The following KLHL20 variants were observed in gnomAD, a reference collection of about 807,000 sequenced individuals.
KLHL20 encodes the protein kelch-like protein 20.
A neutral mutation model predicts 69.5 loss-of-function variants in KLHL20; 29 were observed. The observed-to-expected ratio is 0.42, with a 90% CI of 0.31 to 0.57. The LOEUF (loss-of-function observed/expected upper bound fraction) is 0.57. Among genes scored for constraint, KLHL20 ranks in the 20% least tolerant of loss-of-function variants. The pLI is 0.18. For missense variants in KLHL20, 419 were observed against 776.0 expected (o/e 0.54, Z 5.47); for synonymous variants, 253 against 265.2 (o/e 0.95, Z 0.45).
intron 2 of KLHL20, among the ~76,000 whole-genome samples, chr1:173,722,701 T>TTC (rs1671767523): frequency 6.6e-6 from 1 of 150,864 alleles, no homozygotes; most frequent in Non-Finnish European, 1.5e-5. Flanking sequence ...TTTTTTTTTT[T>TTC]TTGACATAGA....
chr1:173,774,355 G>C lies in KLHL20; in HGVS notation c.1346G>C (p.Arg449Thr), dbSNP rs573488088. The C allele has an allele frequency of 5.0e-6, 8 of 1,614,054 alleles. No individual in the cohort carries two copies. The highest frequency in any genetic ancestry group is 6.8e-6 in the Non-Finnish European group (8 of 1,180,036). The stretch of plus-strand genomic sequence containing the variant: ...ACTCGGGTAGCTTCTATGAGTACCA[G>C]AAGACTAGGTGTGGCTGTGGCTGTG... Reference protein sequence around the residue: ...KWTRVASMSTRRLGVAVAVLG... With the variant: ...KWTRVASMSTTRLGVAVAVLG... The change falls in exon 9 of 12, where the codon AGA becomes ACA. Residue 449 changes from arginine (R) to threonine (T), a missense_variant. Arg to Thr is a moderately conservative substitution (Grantham distance 71, BLOSUM62 -1). Around this residue, in one of 6 missense-constraint regions of KLHL20, gnomAD observed 56 missense variants for 75.9 expected, o/e 0.74. Transcript: ENST00000209884.
At chr1:173,785,045 T>C (rs1649118699) in intron 11 of KLHL20, 118 bp from the exon 12 acceptor site, 2 of 740,118 alleles carry the variant, frequency 2.7e-6, no homozygotes, top group Non-Finnish European at 2.2e-6. Context: ...AAGCTGAAAA[T>C]ATTAGTTGTA....
intron 2 of KLHL20, among the ~76,000 whole-genome samples, chr1:173,728,393 C>T (rs1413105597): frequency 6.6e-6 from 1 of 152,118 alleles, no homozygotes; most frequent in Non-Finnish European, 1.5e-5. Flanking sequence ...CCAAGTGGAC[C>T]TAATAGACAT....
chr1:173,742,599 A>T (rs1294664122), intron 3 of KLHL20, among the ~76,000 whole-genome samples: 1 of 151,788 alleles, frequency 6.6e-6, no homozygotes, highest in East Asian at 1.9e-4. Context: ...TAAGAAGGAT[A>T]TATACGTATA....
chr1:173,762,784 A>C (rs1195851474), intron 7 of KLHL20, among the ~76,000 whole-genome samples: 1 of 152,224 alleles, frequency 6.6e-6, no homozygotes, highest in African/African-American at 2.4e-5. Flanking sequence ...AATGGGGAAA[A>C]GTTGAAAGCA....
chr1:173,781,576 A>C (rs899439247), intron 10 of KLHL20, among the ~76,000 whole-genome samples: 1 of 152,084 alleles, frequency 6.6e-6, no homozygotes, highest in African/African-American at 2.4e-5. Flanking sequence ...TCAGCCTCCC[A>C]AAGTGAGAAA....
intron 10 of KLHL20, among the ~76,000 whole-genome samples, chr1:173,778,218 C>T (rs1418836696): frequency 6.6e-6 from 1 of 152,138 alleles, no homozygotes; most frequent in Admixed American, 6.5e-5. Flanking sequence ...CTATCACTCC[C>T]TCAGCCCCCC....
chr1:173,749,302 CT>C (rs1248114637), intron 3 of KLHL20, among the ~76,000 whole-genome samples: 1 of 152,142 alleles, frequency 6.6e-6, no homozygotes, highest in African/African-American at 2.4e-5. Flanking sequence ...GATGACTTTG[CT>C]TAGTCATTCG....
rs1648313424 is a variant in KLHL20, at chr1:173,774,402, G to A, written c.1393G>A (p.Val465Ile). Residue 465 changes from valine to isoleucine, a missense_variant, in exon 9 of 12, where the codon GTA becomes ATA. Around this residue, in one of 6 missense-constraint regions of KLHL20, gnomAD observed 56 missense variants for 75.9 expected, o/e 0.74. Transcript: ENST00000209884. ...VAVLGGFLYA[V>I]GGSDGTSPLN... Reference sequence around the variant, plus strand: ...TGTGTTAGGAGGGTTCTTATATGCTGTAGGTGGCTCTGACGGGACATCTCC... The same window carrying A: ...TGTGTTAGGAGGGTTCTTATATGCTATAGGTGGCTCTGACGGGACATCTCC... The A allele has an allele frequency of 6.2e-7, 1 of 1,614,160 alleles. No homozygotes were observed. Among genetic ancestry groups the A allele is most frequent in the Non-Finnish European group, 8.5e-7 (1 of 1,180,026 alleles).
intron 3 of KLHL20, among the ~76,000 whole-genome samples, chr1:173,740,378 G>A (rs1672747975): frequency 6.6e-6 from 1 of 151,852 alleles, no homozygotes; most frequent in Non-Finnish European, 1.5e-5. Flanking sequence ...CCAAAGTGCT[G>A]GGATTACAAG....
intron 2 of KLHL20, among the ~76,000 whole-genome samples, chr1:173,732,973 TA>T (rs777733894): frequency 7.3e-5 from 11 of 151,044 alleles, no homozygotes; most frequent in Non-Finnish European, 8.8e-5. Flanking sequence ...TTAATTTTAA[TA>T]AACTTTGAAG....
intron 3 of KLHL20, chr1:173,741,806 C>T (rs1009837638): frequency 6.4e-7 from 1 of 1,568,342 alleles, no homozygotes; most frequent in Admixed American, 1.7e-5. Flanking sequence ...ATAAAATCAC[C>T]ATGGTCTTTA....
At chr1:173,769,970 G>GA (rs1647984790) in intron 8 of KLHL20, among the ~76,000 whole-genome samples, 2 of 151,686 alleles carry the variant, frequency 1.3e-5, no homozygotes, top group African/African-American at 2.4e-5. Flanking sequence ...ATAAAAAAAA[G>GA]AAGGAGCTCC....
In KLHL20 at chr1:173,739,272, C is replaced by T. The variant is rs188641275; in HGVS notation, c.597+4986C>T. Among the ~76,000 whole-genome samples, 439 of 152,124 alleles carry T rather than the reference C, an allele frequency of 2.9e-3. 1 individual carries two copies. The highest frequency in any genetic ancestry group is 9.7e-3 in the African/African-American group (404 of 41,494). On this transcript the variant is annotated intron_variant, in intron 3 of 11. Transcript: ENST00000209884. Reference sequence around the variant, plus strand: ...TATGTTAGTGGAGATGGGGCTTCACCGTTTTGCCCAGACTGGTCTTGAACT... The same window carrying T: ...TATGTTAGTGGAGATGGGGCTTCACTGTTTTGCCCAGACTGGTCTTGAACT...
chr1:173,779,831 C>G (rs990238919), intron 10 of KLHL20, among the ~76,000 whole-genome samples: 1 of 152,180 alleles, frequency 6.6e-6, no homozygotes, highest in Non-Finnish European at 1.5e-5. Flanking sequence ...CACCCCTAGT[C>G]CCCACAAACT....
chr1:173,737,549 T>C (rs910110954), intron 3 of KLHL20, among the ~76,000 whole-genome samples: 4 of 152,250 alleles, frequency 2.6e-5, no homozygotes, highest in Non-Finnish European at 2.9e-5. Flanking sequence ...TGGCTTTATT[T>C]CTGGGTTCTC....
intron 8 of KLHL20, among the ~76,000 whole-genome samples, chr1:173,767,813 A>G (rs534072462): frequency 2.0e-5 from 3 of 152,086 alleles, no homozygotes; most frequent in African/African-American, 4.8e-5. Context: ...TGGCTTGCAG[A>G]TATGTTCTCC....
At chr1:173,753,822 G>A (rs1332731877) in intron 5 of KLHL20, among the ~76,000 whole-genome samples, 1 of 152,018 alleles carries the variant, frequency 6.6e-6, no homozygotes, top group Non-Finnish European at 1.5e-5. Context: ...TTTGACGAAA[G>A]AAACTCTTAA....
chr1:173,758,439 A>G (rs1216820274), intron 7 of KLHL20, among the ~76,000 whole-genome samples: 1 of 152,180 alleles, frequency 6.6e-6, no homozygotes, highest in African/African-American at 2.4e-5. Context: ...TGCAAATGTT[A>G]GCTCCAGACT....
Sources: allele counts gnomAD v4.1 joint callset (sites outside exome capture counted in the v4.1 genomes callset), GRCh38; gene constraint gnomAD v4.1.1; regional missense constraint gnomAD v4.1.1; transcripts MANE v1.5; gene names NCBI Gene and HGNC (gene_info 2026-07-23, HGNC 2026-07-21).